HTN3: variants seen among roughly 807,000 people sequenced by gnomAD.
HTN3 encodes the protein histatin-3.
A neutral mutation model predicts 10.6 loss-of-function variants in HTN3; 15 were observed. That is an observed-to-expected ratio of 1.42 (90% CI 0.95 to 2.18). HTN3 has a LOEUF of 2.18. Among genes scored for constraint, HTN3 ranks in the 30% most tolerant of loss-of-function variants. HTN3 has a pLI of 0.00. For missense variants in HTN3, 68 were observed against 58.0 expected (o/e 1.17, Z -0.56); for synonymous variants, 15 against 16.9 (o/e 0.89, Z 0.27).
rs557909178 is a variant in HTN3 at position 70,032,092 on chromosome 4, T to C, written c.87T>C (p.Tyr29=). The part of the protein sequence containing the change: ...ADSHAKRHHG[Y]KRKFHEKHHS... ...TTATTTCATAGAGACATCATGGGTA[T>C]AAAAGAAAATTCCATGTAAGTGTTC... The change falls in exon 4 of 6, where the codon TAT becomes TAC. Residue 29 remains tyrosine, a synonymous_variant. Coordinates refer to ENST00000673563, the MANE Select transcript of HTN3 (RefSeq NM_000200.3). 3.9e-6 allele frequency: 6 copies of C among 1,526,450 alleles called. No individual in the cohort carries two copies. Among genetic ancestry groups the C allele is most frequent in the South Asian group, 2.3e-5 (2 of 86,282 alleles). The allele number at this position is 1,526,450 out of a possible 1,614,324, so 94.6% of individuals were successfully genotyped here. A position where few individuals can be genotyped will look rare whatever the true frequency, so the allele number is the denominator to read the frequency against.
chr4:70,032,845 G>C (rs765565535), intron 4 of HTN3, among the ~76,000 whole-genome samples: 2 of 151,954 alleles, frequency 1.3e-5, no homozygotes, highest in African/African-American at 2.4e-5. Context: ...CTCAATGTTG[G>C]GCAAAATAGT....
At chr4:70,032,718 T>TGA (rs2109708785) in intron 4 of HTN3, among the ~76,000 whole-genome samples, 1 of 152,186 alleles carries the variant, frequency 6.6e-6, no homozygotes, top group East Asian at 1.9e-4. Flanking sequence ...CTGTTTGTGT[T>TGA]AACAGCAGTG....
At chr4:70,030,406 C>T (rs1339783257) in intron 1 of HTN3, among the ~76,000 whole-genome samples, 1 of 152,074 alleles carries the variant, frequency 6.6e-6, no homozygotes, top group Non-Finnish European at 1.5e-5. Flanking sequence ...CAGGAAGATT[C>T]CTAGAGCCCA....
intron 5 of HTN3, 28 bp downstream of exon 5, chr4:70,033,281 C>A (rs1725432206): frequency 9.6e-7 from 1 of 1,046,790 alleles, no homozygotes; most frequent in Non-Finnish European, 1.4e-6. Context: ...ACTTTTCTTT[C>A]TAGAAGTATC....
intron 2 of HTN3, chr4:70,031,446 A>C (rs552215341): frequency 1.3e-5 from 2 of 153,370 alleles, no homozygotes; most frequent in Admixed American, 1.3e-4. Context: ...GTCACAAAAG[A>C]ATACTAATAC....
chr4:70,036,203 G>C (rs2109712178), intron 5 of HTN3, 64 bp from the exon 6 acceptor site: 1 of 152,222 alleles, frequency 6.6e-6, no homozygotes, highest in Non-Finnish European at 1.5e-5. Context: ...ACCAGGAAAA[G>C]TATAAATTTA....
chr4:70,028,509 A>G lies in HTN3; in HGVS notation c.-21A>G, dbSNP rs1211005930. The stretch of plus-strand genomic sequence containing the variant: ...CACTGACTTCTGGATTCTCCTCTTG[A>G]GTAAAAGGTAACATGTTCAAGTACA... On this transcript the variant is annotated 5_prime_UTR_variant, in exon 1 of 6. Coordinates refer to ENST00000673563, the MANE Select transcript of HTN3 (RefSeq NM_000200.3). The G allele has an allele frequency of 1.3e-5, 2 of 152,168 alleles. No individual in the cohort carries two copies. The highest frequency in any genetic ancestry group is 3.8e-4 in the East Asian group (2 of 5,198). The allele number at this position is 152,168 out of a possible 1,614,324, so 9.4% of individuals were successfully genotyped here. A position where few individuals can be genotyped will look rare whatever the true frequency, so the allele number is the denominator to read the frequency against.
chr4:70,032,915 C>T (rs571922672), intron 4 of HTN3, among the ~76,000 whole-genome samples: 29 of 152,136 alleles, frequency 1.9e-4, no homozygotes, highest in Non-Finnish European at 3.8e-4. Flanking sequence ...TGCCTATAAT[C>T]AGTGTTCCAA....
chr4:70,029,301 T>A (rs886430505), intron 1 of HTN3, among the ~76,000 whole-genome samples: 1 of 152,018 alleles, frequency 6.6e-6, no homozygotes, highest in African/African-American at 2.4e-5. Context: ...AGTCATAATT[T>A]GATTTATCTA....
At chr4:70,031,176 T>G (rs185415035) in intron 2 of HTN3, 2 of 163,186 alleles carry the variant, frequency 1.2e-5, no homozygotes, top group East Asian at 3.7e-4. Flanking sequence ...AAATATGAAT[T>G]TTCAAGTAAT....
Position 70,033,272 on chromosome 4 carries a change from C to T in HTN3, c.*33+19C>T. The T allele has an allele frequency of 8.6e-7, 1 of 1,160,954 alleles. No homozygotes were observed. Among genetic ancestry groups the T allele is most frequent in the African/African-American group, 1.8e-5 (1 of 56,888 alleles). 71.9% of individuals were successfully genotyped at this position (1,160,954 alleles called of 1,614,324 possible). The stretch of plus-strand genomic sequence containing the variant: ...TATGGAGGTAAGCTGACTCTAGTTA[C>T]TTTTCTTTCTAGAAGTATCAACACT... On this transcript the variant is annotated intron_variant, in intron 5 of 5. Transcript: ENST00000673563.
rs1349643736 is a variant in HTN3, at chr4:70,034,267, G to A, written c.*33+1014G>A. ...AAAGAAACTATCATCAGAGTGAACAGGTAACTTAGAGATTGGGAGAAAATT... is the reference window on the plus strand; with the variant it reads ...AAAGAAACTATCATCAGAGTGAACAAGTAACTTAGAGATTGGGAGAAAATT... On this transcript the variant is annotated intron_variant, in intron 5 of 5. Transcript: ENST00000673563. The A allele has an allele frequency of 4.6e-5, 7 of 152,066 alleles. No homozygotes were observed. In the East Asian group the frequency reaches 1.4e-3, roughly 29 times the overall value. The allele number at this position is 152,066 out of a possible 1,614,324, so 9.4% of individuals were successfully genotyped here.
At chr4:70,033,005 GA>G (rs1725424674) in intron 4 of HTN3, among the ~76,000 whole-genome samples, 161 bp from the exon 5 acceptor site, 1 of 151,894 alleles carries the variant, frequency 6.6e-6, no homozygotes, top group Non-Finnish European at 1.5e-5. Context: ...TTTTCTGAAA[GA>G]AGAAAAATGT....
chr4:70,029,652 T>C (rs1052661547), intron 1 of HTN3, among the ~76,000 whole-genome samples: 1 of 152,192 alleles, frequency 6.6e-6, no homozygotes, highest in Non-Finnish European at 1.5e-5. Context: ...CCAGTGGAAA[T>C]GCTTTTATTT....
rs138832720 is a variant in HTN3 at position 70,029,875 on chromosome 4, T to C, written c.-13-853T>C. ...CCTGTGACTTCTCTTCATTTTATTT[T>C]TCTCTAACCAATACCATTAATGTTC... On this transcript the variant is annotated intron_variant, in intron 1 of 5. Coordinates refer to ENST00000673563, the MANE Select transcript of HTN3 (RefSeq NM_000200.3). Among the ~76,000 whole-genome samples, 64 of 152,274 alleles carry C rather than the reference T, an allele frequency of 4.2e-4. No homozygotes were observed. In the East Asian group the frequency reaches 0.012, roughly 28 times the overall value.
At chr4:70,033,113 A>C (rs1725426687) in intron 4 of HTN3, 54 bp from the exon 5 acceptor site, 1 of 1,304,752 alleles carries the variant, frequency 7.7e-7, no homozygotes, top group African/African-American at 1.5e-5. Flanking sequence ...AAGCATTTTT[A>C]CTGTCATTGC....
rs1725438791 is a variant in HTN3 at position 70,033,561 on chromosome 4, T to C, written c.*33+308T>C. ...AAGTAGTGTGATGCCTTCAGCTTTG[T>C]TCCTTTTGCTTACAATTGTCTTGTG... On this transcript the variant is annotated intron_variant, in intron 5 of 5. Transcript: ENST00000673563. The C allele has an allele frequency of 2.8e-5, 5 of 179,586 alleles. No individual in the cohort carries two copies. The South Asian group carries it at 7.1e-4, about 25-fold the overall frequency. 11.1% of individuals were successfully genotyped at this position (179,586 alleles called of 1,614,324 possible).
intron 1 of HTN3, among the ~76,000 whole-genome samples, 188 bp from the exon 2 acceptor site, chr4:70,030,540 C>A (rs1353547587): frequency 6.6e-6 from 1 of 152,100 alleles, no homozygotes; most frequent in Non-Finnish European, 1.5e-5. Context: ...ACTAGGGAGG[C>A]TAAAGTGGGA....
chr4:70,031,039 A>C (rs1345117772), intron 2 of HTN3: 2 of 350,488 alleles, frequency 5.7e-6, no homozygotes, highest in Non-Finnish European at 1.0e-5. Flanking sequence ...AGCAAGCTTC[A>C]TAAATATGTG....
Sources: gnomAD v4.1 joint callset for allele counts (sites outside exome capture counted in the v4.1 genomes callset) on GRCh38, gnomAD v4.1.1 for gene constraint, MANE v1.5 for transcripts, NCBI Gene and HGNC (gene_info 2026-07-23, HGNC 2026-07-21) for gene names.